The following GPR55 variants were observed in gnomAD, a reference collection of about 807,000 sequenced individuals.
GPR55 encodes G protein-coupled receptor 55.
GPR55 carries 6 observed loss-of-function variants against 7.9 expected under a neutral mutation model. The ratio of observed to expected loss-of-function variants is 0.76; its 90% confidence interval spans 0.41 to 1.49. GPR55 has a LOEUF of 1.49. Among genes scored for constraint, GPR55 ranks in the 40% most tolerant of loss-of-function variants. The pLI, the probability that GPR55 is intolerant of heterozygous loss-of-function variation, is 0.01. For synonymous variants in GPR55, 183 were observed against 166.8 expected (o/e 1.10, Z -0.75); for missense variants, 376 against 406.0 (o/e 0.93, Z 0.63).
intron 1 of GPR55, among the ~76,000 whole-genome samples, chr2:230,945,285 G>C (rs1038164551): frequency 7.9e-5 from 12 of 152,136 alleles, no homozygotes; most frequent in African/African-American, 2.9e-4. Flanking sequence ...CTGAGTTCCG[G>C]GAGGCAGCTG....
At chr2:230,916,763 C>A (rs1158778503) in intron 1 of GPR55, among the ~76,000 whole-genome samples, 1 of 151,502 alleles carries the variant, frequency 6.6e-6, no homozygotes, top group Admixed American at 6.6e-5. Flanking sequence ...TAAAAGCAAC[C>A]ACTATTAAAA....
intron 1 of GPR55, among the ~76,000 whole-genome samples, chr2:230,956,452 G>GCCA (rs1224270174): frequency 6.6e-6 from 1 of 152,194 alleles, no homozygotes; most frequent in Non-Finnish European, 1.5e-5. Context: ...ATAGGCATGA[G>GCCA]CCACCACTCC....
chr2:230,920,885 A>ATTAATCTATT (rs1690818704), intron 1 of GPR55, among the ~76,000 whole-genome samples: 1 of 152,212 alleles, frequency 6.6e-6, no homozygotes, highest in Admixed American at 6.5e-5. Context: ...TACTCCCTAT[A>ATTAATCTATT]TTAATCTATT....
intron 1 of GPR55, among the ~76,000 whole-genome samples, chr2:230,940,727 T>C (rs1160059418): frequency 6.6e-6 from 1 of 150,518 alleles, no homozygotes; most frequent in Non-Finnish European, 1.5e-5. Flanking sequence ...ATGAAAGTGC[T>C]GCCTGCGTTT....
chr2:230,931,930 C>A (rs949618389), intron 1 of GPR55, among the ~76,000 whole-genome samples: 1 of 152,038 alleles, frequency 6.6e-6, no homozygotes, highest in Non-Finnish European at 1.5e-5. Flanking sequence ...TCTCAGGGCA[C>A]CAGCACCCCT....
chr2:230,939,293 A>G (rs1691182646), intron 1 of GPR55, among the ~76,000 whole-genome samples: 1 of 152,120 alleles, frequency 6.6e-6, no homozygotes, highest in Admixed American at 6.5e-5. Context: ...CCCGCAGTCA[A>G]CCCTGTCTGA....
intron 1 of GPR55, among the ~76,000 whole-genome samples, chr2:230,932,728 G>A (rs913838364): frequency 4.6e-5 from 7 of 152,074 alleles, no homozygotes; most frequent in Admixed American, 4.6e-4. Flanking sequence ...CCTAAACCAG[G>A]CCTCTCTCCC....
chr2:230,957,077 T>C (rs1234229170), intron 1 of GPR55, among the ~76,000 whole-genome samples: 1 of 152,236 alleles, frequency 6.6e-6, no homozygotes, highest in Non-Finnish European at 1.5e-5. Flanking sequence ...TATCACGCAC[T>C]GTGGTCATCA....
At chr2:230,929,643 G>A (rs1691000301), upstream of GPR55, 1 of 152,226 alleles carries the variant, frequency 6.6e-6, no homozygotes, top group Non-Finnish European at 1.5e-5. Flanking sequence ...GCTGTTGATG[G>A]CCCTGATGGG....
chr2:230,936,257 C>T (rs1362209577), intron 1 of GPR55, among the ~76,000 whole-genome samples: 3 of 152,048 alleles, frequency 2.0e-5, no homozygotes, highest in Non-Finnish European at 4.4e-5. Flanking sequence ...TGGCTGTGTC[C>T]CCACCCAAAT....
rs193039789 is a variant in GPR55, at chr2:230,944,958, G to A, written c.-135+15817C>T. On this transcript the variant is annotated intron_variant, in intron 1 of 1. Transcript: ENST00000392039. The surrounding 1 kb of genome is among the most constrained non-coding windows in gnomAD (Gnocchi z 4.2). Reference sequence around the variant, plus strand: ...GTCCCAGCCACCCACACTCGCTGCCGGGGGAAGAACCAGGTAAGGTTCCCG... The same window carrying A: ...GTCCCAGCCACCCACACTCGCTGCCAGGGGAAGAACCAGGTAAGGTTCCCG... Among the ~76,000 whole-genome samples, 535 of 152,268 alleles carry A rather than the reference G, an allele frequency of 3.5e-3. 3 individuals carry two copies. The highest frequency in any genetic ancestry group is 0.013 in the African/African-American group (520 of 41,556).
chr2:230,933,604 T>C (rs1034816563), intron 1 of GPR55, among the ~76,000 whole-genome samples: 3 of 152,230 alleles, frequency 2.0e-5, no homozygotes, highest in African/African-American at 7.2e-5. Flanking sequence ...ATGTCCACCC[T>C]CAGTCCCCTT....
intron 1 of GPR55, among the ~76,000 whole-genome samples, chr2:230,952,933 A>C (rs1691426788): frequency 6.6e-6 from 1 of 152,192 alleles, no homozygotes; most frequent in Admixed American, 6.5e-5. Context: ...AACAGTTGCC[A>C]AGGTGTTTCC....
chr2:230,941,454 C>T (rs992242601), intron 1 of GPR55, among the ~76,000 whole-genome samples: 1 of 152,178 alleles, frequency 6.6e-6, no homozygotes, highest in African/African-American at 2.4e-5. Flanking sequence ...CCTGGGCTCT[C>T]CCATGGCCAC....
chr2:230,935,384 C>T (rs1691117944), intron 1 of GPR55, among the ~76,000 whole-genome samples: 1 of 152,166 alleles, frequency 6.6e-6, no homozygotes, highest in African/African-American at 2.4e-5. Context: ...TGTTTATTAC[C>T]AGGAAGTCTT....
intron 1 of GPR55, among the ~76,000 whole-genome samples, chr2:230,916,947 CTCTTATGA>C (rs1690730996): frequency 6.6e-6 from 1 of 152,090 alleles, no homozygotes; most frequent in Admixed American, 6.5e-5. Context: ...TAACTGTTTG[CTCTTATGA>C]AGGGTGCACT....
intron 1 of GPR55, among the ~76,000 whole-genome samples, chr2:230,938,221 C>T (rs1024455747): frequency 3.5e-5 from 5 of 141,010 alleles, no homozygotes; most frequent in Admixed American, 7.1e-5. Flanking sequence ...TGTAAAACAT[C>T]ACATAAAAAG....
upstream of GPR55, among the ~76,000 whole-genome samples, chr2:230,928,018 G>A (rs1411520884): frequency 1.3e-5 from 2 of 152,208 alleles, no homozygotes; most frequent in African/African-American, 4.8e-5. Flanking sequence ...ACACGGGGAG[G>A]GAGGAGGATG....
chr2:230,953,479 T>C (rs932362393), intron 1 of GPR55, among the ~76,000 whole-genome samples: 15 of 152,192 alleles, frequency 9.9e-5, no homozygotes, highest in Non-Finnish European at 2.1e-4. Context: ...GAACTGGCTC[T>C]GGAAGCTGGA....
Sources: allele counts gnomAD v4.1 joint callset (sites outside exome capture counted in the v4.1 genomes callset), GRCh38; gene constraint gnomAD v4.1.1; non-coding constraint Gnocchi (gnomAD v3.1); transcripts MANE v1.5; gene names NCBI Gene and HGNC (gene_info 2026-07-23, HGNC 2026-07-21).